The following MED12L variants were observed in gnomAD, a reference collection of about 807,000 sequenced individuals.
MED12L encodes mediator of RNA polymerase II transcription subunit 12-like protein.
In MED12L, 60 loss-of-function variants were observed where a neutral mutation model predicts 281.3. The ratio of observed to expected loss-of-function variants is 0.21; its 90% confidence interval spans 0.17 to 0.26. MED12L has a LOEUF of 0.26. MED12L is among the 10% of genes least tolerant of loss of function. The pLI is 1.00. For missense variants in MED12L, 2,146 were observed against 2,680.9 expected (o/e 0.80, Z 4.41); for synonymous variants, 974 against 987.2 (o/e 0.99, Z 0.25).
chr3:151,121,430 T>C (rs9822304), intron 3 of MED12L, among the ~76,000 whole-genome samples: 46,332 of 152,154 alleles, frequency 0.3, 9,107 homozygotes, highest in African/African-American at 0.56. Context: ...TCAGGCTTTT[T>C]ACCCTATAGA....
At chr3:151,204,187 G>T (rs1177065835) in intron 16 of MED12L, among the ~76,000 whole-genome samples, 1 of 152,096 alleles carries the variant, frequency 6.6e-6, no homozygotes, top group African/African-American at 2.4e-5. Context: ...TCATTGGCTT[G>T]GTAGGTGCTT....
In MED12L at chr3:151,123,734, T is replaced by TGG. The variant is rs540349928; in HGVS notation, c.396+760_396+761insGG. Among the ~76,000 whole-genome samples the TGG allele has an allele frequency of 2.6e-5, 4 of 152,322 alleles. No individual in the cohort carries two copies. The South Asian group carries it at 8.3e-4, about 32-fold the overall frequency. On this transcript the variant is annotated intron_variant, in intron 4 of 44. Transcript: ENST00000687756. The stretch of plus-strand genomic sequence containing the variant: ...CCTTTAGTGTTAGGAGTGCCTGTCT[T>TGG]CTGTTCTTAGTATTAAGTTTTCCTT...
rs1018624479 is a variant in MED12L at position 151,436,004 on chromosome 3, C to T, written c.*3200C>T. On this transcript the variant is annotated 3_prime_UTR_variant, in exon 45 of 45. Coordinates refer to ENST00000687756, the MANE Select transcript of MED12L (RefSeq NM_001393769.1). Reference sequence around the variant, plus strand: ...AAGAAGTTTCATTGTATTTTTAAAACCTTTTTAATGGGTGTATTTGGACAA... The same window carrying T: ...AAGAAGTTTCATTGTATTTTTAAAATCTTTTTAATGGGTGTATTTGGACAA... The T allele has an allele frequency of 6.6e-6, 1 of 152,108 alleles. No individual in the cohort carries two copies. Among genetic ancestry groups the T allele is most frequent in the Non-Finnish European group, 1.5e-5 (1 of 68,006 alleles). 9.4% of individuals were successfully genotyped at this position (152,108 alleles called of 1,614,324 possible). A position where few individuals can be genotyped will look rare whatever the true frequency, so the allele number is the denominator to read the frequency against.
At chr3:151,277,209 GT>G (rs1330337161) in intron 16 of MED12L, among the ~76,000 whole-genome samples, 58 of 142,348 alleles carry the variant, frequency 4.1e-4, no homozygotes, top group African/African-American at 5.4e-4. Flanking sequence ...TGGCCTCCTT[GT>G]TTTTTTTTTT....
intron 16 of MED12L, among the ~76,000 whole-genome samples, chr3:151,321,597 C>T (rs1749006531): frequency 6.6e-6 from 1 of 152,112 alleles, no homozygotes; most frequent in South Asian, 2.1e-4. Flanking sequence ...GTCATATACA[C>T]ACATTTAACG....
intron 16 of MED12L, among the ~76,000 whole-genome samples, chr3:151,216,046 TATC>T (rs1384270580): frequency 1.3e-5 from 2 of 152,208 alleles, no homozygotes; most frequent in African/African-American, 4.8e-5. Flanking sequence ...AGTGTGTGCT[TATC>T]ATCCTGTGTC....
At chr3:151,358,138 A>G (rs1754160934) in intron 20 of MED12L, among the ~76,000 whole-genome samples, 1 of 152,096 alleles carries the variant, frequency 6.6e-6, no homozygotes, top group South Asian at 2.1e-4. Flanking sequence ...ACATGTAATC[A>G]ATTTATATGC....
At chr3:151,341,568 T>TC (rs1189117024) in intron 16 of MED12L, among the ~76,000 whole-genome samples, 1 of 149,668 alleles carries the variant, frequency 6.7e-6, no homozygotes, top group Non-Finnish European at 1.5e-5. Context: ...TGCTTTAACT[T>TC]TTTTTTTTTA....
At chr3:151,243,110 G>A (rs9751586) in intron 16 of MED12L, among the ~76,000 whole-genome samples, 131,603 of 151,214 alleles carry the variant, frequency 0.87, 57,502 homozygotes, top group African/African-American at 0.95. Flanking sequence ...GAAATATGGG[G>A]CTGTGTGAAA....
intron 19 of MED12L, 92 bp from the exon 20 acceptor site, chr3:151,357,121 A>G: frequency 1.9e-6 from 2 of 1,062,490 alleles, no homozygotes; most frequent in Non-Finnish European, 2.6e-6. Context: ...TTGTAGTGTA[A>G]TGACTCAGTA....
chr3:151,430,208 C>T (rs1205470643), intron 43 of MED12L, 91 bp from the exon 44 acceptor site: 1 of 1,581,470 alleles, frequency 6.3e-7, no homozygotes, highest in South Asian at 1.1e-5. Flanking sequence ...TGAGAAGTAC[C>T]TTACAGACTG....
intron 43 of MED12L, among the ~76,000 whole-genome samples, chr3:151,427,685 G>T (rs1719026454): frequency 6.6e-6 from 1 of 152,198 alleles, no homozygotes; most frequent in Non-Finnish European, 1.5e-5. Flanking sequence ...TTCTGAATAA[G>T]TTGATATTTG....
intron 16 of MED12L, among the ~76,000 whole-genome samples, chr3:151,259,121 T>C (rs1185863214): frequency 6.6e-6 from 1 of 152,198 alleles, no homozygotes; most frequent in Non-Finnish European, 1.5e-5. Flanking sequence ...TTTTAACACA[T>C]GGACTGAAAG....
chr3:151,344,961 T>A (rs1448259198), intron 16 of MED12L, among the ~76,000 whole-genome samples: 1 of 152,206 alleles, frequency 6.6e-6, no homozygotes, highest in Non-Finnish European at 1.5e-5. Flanking sequence ...GAAATAAAGA[T>A]GAATTAGAGC....
intron 16 of MED12L, among the ~76,000 whole-genome samples, chr3:151,260,660 G>A (rs1235567461): frequency 2.0e-5 from 3 of 152,132 alleles, no homozygotes; most frequent in Non-Finnish European, 4.4e-5. Context: ...CCTAAAGCTG[G>A]TTTTTAATGA....
intron 16 of MED12L, among the ~76,000 whole-genome samples, chr3:151,320,178 A>G (rs1748829917): frequency 1.3e-5 from 2 of 152,086 alleles, no homozygotes; most frequent in African/African-American, 4.8e-5. Context: ...TAGGCATAGT[A>G]TTTGTGTTAT....
chr3:151,249,335 A>G (rs1035932321), intron 16 of MED12L, among the ~76,000 whole-genome samples: 6 of 152,206 alleles, frequency 3.9e-5, no homozygotes, highest in African/African-American at 1.2e-4. Context: ...TTAAGTTGTA[A>G]TTCACATGGT....
intron 32 of MED12L, among the ~76,000 whole-genome samples, chr3:151,381,724 C>T (rs888434491): frequency 6.6e-6 from 1 of 152,096 alleles, no homozygotes; most frequent in Admixed American, 6.5e-5. Context: ...TTTTATTTGT[C>T]CCACTACTAT....
At chr3:151,357,403 T>C in intron 20 of MED12L, 27 bp downstream of exon 20, 1 of 1,536,968 alleles carries the variant, frequency 6.5e-7, no homozygotes, top group Non-Finnish European at 8.8e-7. Flanking sequence ...TCATTGTTGT[T>C]TTTCCAATCT....
Sources: allele counts gnomAD v4.1 joint callset (sites outside exome capture counted in the v4.1 genomes callset), GRCh38; gene constraint gnomAD v4.1.1; transcripts MANE v1.5; gene names NCBI Gene and HGNC (gene_info 2026-07-23, HGNC 2026-07-21).